ARHGAP42: variants seen among roughly 807,000 people sequenced by gnomAD.
The protein encoded by ARHGAP42 is Rho GTPase activating protein 42, also known as rho GTPase-activating protein 42.
In ARHGAP42, 63 loss-of-function variants were observed where a neutral mutation model predicts 125.0. The observed-to-expected ratio is 0.50, with a 90% CI of 0.41 to 0.62. The LOEUF is 0.62. ARHGAP42 is among the 20% of genes least tolerant of loss of function. The probability of loss-of-function intolerance (pLI) is 0.00; values close to 1 mark genes in which losing one functional copy is unlikely to be tolerated. For missense variants in ARHGAP42, 766 were observed against 1,024.2 expected, an observed-to-expected ratio of 0.75 and a Z score of 3.44; for synonymous variants, 339 against 351.0, an observed-to-expected ratio of 0.97 and a Z score of 0.38.
intron 4 of ARHGAP42, among the ~76,000 whole-genome samples, chr11:100,861,846 G>A (rs1022139781): frequency 6.6e-6 from 1 of 152,162 alleles, no homozygotes; most frequent in African/African-American, 2.4e-5. Context: ...AAACATTTGG[G>A]AATTCTATCT....
intron 3 of ARHGAP42, among the ~76,000 whole-genome samples, chr11:100,796,356 T>C (rs1450242921): frequency 6.6e-6 from 1 of 152,232 alleles, no homozygotes; most frequent in Non-Finnish European, 1.5e-5. Context: ...CCCATCTCTC[T>C]TCCTGTCCTC....
At chr11:100,958,899 T>G (rs1381311075) in intron 12 of ARHGAP42, among the ~76,000 whole-genome samples, 3 of 145,408 alleles carry the variant, frequency 2.1e-5, no homozygotes, top group African/African-American at 7.5e-5. Flanking sequence ...TTTTAGTTTG[T>G]TGCTGTTACC....
At chr11:100,955,590 GC>G (rs1857782041) in intron 12 of ARHGAP42, among the ~76,000 whole-genome samples, 1 of 152,102 alleles carries the variant, frequency 6.6e-6, no homozygotes, top group African/African-American at 2.4e-5. Flanking sequence ...TGTATTGGCT[GC>G]CTGCTCTGGG....
rs147156297 is a variant in ARHGAP42, at chr11:100,880,762, T to C, written c.384+21137T>C. Reference sequence around the variant, plus strand: ...ACTGCATCCATGCCAACATCTATTATTTTTTGATTTTTTGATTGTGTCCAT... The same window carrying C: ...ACTGCATCCATGCCAACATCTATTACTTTTTGATTTTTTGATTGTGTCCAT... On this transcript the variant is annotated intron_variant, in intron 4 of 23. Coordinates refer to ENST00000298815, the MANE Select transcript of ARHGAP42 (RefSeq NM_152432.4). 7.5e-3 allele frequency among the ~76,000 whole-genome samples: 1,149 copies of C among 152,296 alleles called. 5 individuals are homozygous for C. The highest frequency in any genetic ancestry group is 0.037 in the Middle Eastern group (11 of 294).
At chr11:100,928,331 C>T (rs1439750509) in intron 6 of ARHGAP42, among the ~76,000 whole-genome samples, 1 of 152,096 alleles carries the variant, frequency 6.6e-6, no homozygotes, top group Non-Finnish European at 1.5e-5. Flanking sequence ...CATGGTTGCT[C>T]ACACCTGTAA....
chr11:100,950,084 A>G, intron 12 of ARHGAP42, 128 bp downstream of exon 12: 1 of 422,140 alleles, frequency 2.4e-6, no homozygotes, highest in Non-Finnish European at 3.9e-6. Flanking sequence ...GCAACTTTGA[A>G]ATTTTTATTT....
At chr11:100,921,351 A>G (rs1175867845) in intron 5 of ARHGAP42, 143 bp from the exon 6 acceptor site, 7 of 565,538 alleles carry the variant, frequency 1.2e-5, no homozygotes, top group African/African-American at 2.1e-5. Flanking sequence ...CCCATACACT[A>G]TAAGCTCCTG....
At chr11:100,920,045 T>C (rs1867190688) in intron 5 of ARHGAP42, among the ~76,000 whole-genome samples, 1 of 152,202 alleles carries the variant, frequency 6.6e-6, no homozygotes, top group Non-Finnish European at 1.5e-5. Context: ...TAAGCGATGG[T>C]AAGAAGAAAA....
At chr11:100,948,645 A>G (rs1868088695) in intron 11 of ARHGAP42, 110 bp downstream of exon 11, 1 of 850,532 alleles carries the variant, frequency 1.2e-6, no homozygotes, top group African/African-American at 1.7e-5. Context: ...AATTGAAAAT[A>G]TTAAAAAAGG....
At chr11:100,905,456 A>T (rs190777444) in intron 4 of ARHGAP42, among the ~76,000 whole-genome samples, 2 of 152,162 alleles carry the variant, frequency 1.3e-5, no homozygotes. Flanking sequence ...TACTACTTCA[A>T]ACATATTTCC....
chr11:100,882,053 C>A (rs1431985439), intron 4 of ARHGAP42, among the ~76,000 whole-genome samples: 1 of 152,122 alleles, frequency 6.6e-6, no homozygotes, highest in Non-Finnish European at 1.5e-5. Context: ...ACTGTTTGAC[C>A]TCCTCTTTAC....
chr11:100,961,759 A>T lies in ARHGAP42; in HGVS notation c.1376A>T (p.Asn459Ile). The T allele has an allele frequency of 6.4e-7, 1 of 1,551,572 alleles. No individual in the cohort carries two copies. The highest frequency in any genetic ancestry group is 8.7e-7 in the Non-Finnish European group (1 of 1,146,732). The change falls in exon 15 of 24, where the codon AAC becomes ATC. Residue 459 changes from asparagine to isoleucine, a missense_variant. Asn to Ile is a moderately radical substitution (Grantham distance 149). Coordinates refer to ENST00000298815, the MANE Select transcript of ARHGAP42 (RefSeq NM_152432.4). ...AAGACGATAACAAGTGGGCTGAAAA[A>T]CTACCTCAGGTGAGGAGGGTTTAAC... ...DNKTITSGLK[N>I]YLRCLAEPLM...
At chr11:100,958,666 T>G (rs112547297) in intron 12 of ARHGAP42, among the ~76,000 whole-genome samples, 14,008 of 151,704 alleles carry the variant, frequency 0.092, 922 homozygotes, top group Non-Finnish European at 0.13. Context: ...ATTTGTGGAG[T>G]TTTTTCTTAG....
intron 1 of ARHGAP42, among the ~76,000 whole-genome samples, chr11:100,737,360 T>C (rs906498407): frequency 2.0e-5 from 3 of 152,208 alleles, no homozygotes; most frequent in African/African-American, 4.8e-5. Flanking sequence ...TGGAAGGTTT[T>C]GTAGGGTTGA....
chr11:100,961,663 AC>A lies in ARHGAP42; in HGVS notation c.1301-19del, dbSNP rs1341282228. ...ATATTTTGAACTGCACAATTTAAAC[AC>A]CTTGTTTTATTCTTTCCAGCTCCTA... On this transcript the variant is annotated intron_variant, in intron 14 of 23. Transcript: ENST00000298815. The A allele has an allele frequency of 6.5e-7, 1 of 1,546,108 alleles. No individual in the cohort carries two copies. Among genetic ancestry groups the A allele is most frequent in the Non-Finnish European group, 8.8e-7 (1 of 1,142,776 alleles).
At chr11:100,736,936 C>T (rs147686292) in intron 1 of ARHGAP42, among the ~76,000 whole-genome samples, 53 of 152,240 alleles carry the variant, frequency 3.5e-4, no homozygotes, top group African/African-American at 1.2e-3. Flanking sequence ...AGGTCAGCAA[C>T]ACTTTGAGCA....
intron 11 of ARHGAP42, among the ~76,000 whole-genome samples, chr11:100,949,488 GA>G (rs1298730323): frequency 6.6e-6 from 1 of 152,094 alleles, no homozygotes; most frequent in Non-Finnish European, 1.5e-5. Flanking sequence ...GAGAAGCCCT[GA>G]CTTAGAGCAA....
chr11:100,922,682 A>G (rs538963916), intron 6 of ARHGAP42, among the ~76,000 whole-genome samples: 4 of 152,354 alleles, frequency 2.6e-5, no homozygotes, highest in Admixed American at 1.3e-4. Context: ...AACATTATAA[A>G]ATACATTTCA....
At chr11:100,869,194 A>G (rs896086031) in intron 4 of ARHGAP42, among the ~76,000 whole-genome samples, 1 of 152,050 alleles carries the variant, frequency 6.6e-6, no homozygotes, top group Non-Finnish European at 1.5e-5. Flanking sequence ...TAATAACACT[A>G]TACAACTTAT....
Sources: allele counts gnomAD v4.1 joint callset (sites outside exome capture counted in the v4.1 genomes callset), GRCh38; gene constraint gnomAD v4.1.1; transcripts MANE v1.5; gene names NCBI Gene and HGNC (gene_info 2026-07-23, HGNC 2026-07-21).